Variants in THRB observed in about 807,000 individuals in gnomAD.
The protein encoded by THRB is nuclear receptor subfamily 1 group A member 2.
A neutral mutation model predicts 47.8 loss-of-function variants in THRB; 12 were observed. The observed-to-expected ratio is 0.25, with a 90% CI of 0.16 to 0.41. The LOEUF (loss-of-function observed/expected upper bound fraction) is 0.41, where lower values mean the gene tolerates loss of function less well. Among genes scored for constraint, THRB ranks in the 10% least tolerant of loss-of-function variants. The probability of loss-of-function intolerance (pLI) is 1.00; values close to 1 mark genes in which losing one functional copy is unlikely to be tolerated. For synonymous variants in THRB, 218 were observed against 212.2 expected (o/e 1.03, Z -0.24); for missense variants, 348 against 589.2 (o/e 0.59, Z 4.24).
intron 1 of THRB, chr3:24,458,960 A>T (rs1368299861): frequency 3.3e-5 from 5 of 150,968 alleles, no homozygotes; most frequent in African/African-American, 9.7e-5. Context: ...ATAAATATTT[A>T]TATATTTATT....
intron 1 of THRB, among the ~76,000 whole-genome samples, chr3:24,353,773 G>C (rs2063503128): frequency 6.6e-6 from 1 of 151,932 alleles, no homozygotes; most frequent in African/African-American, 2.4e-5. Flanking sequence ...TTAAAAAATA[G>C]GTTTGTTTTT....
chr3:24,453,591 A>G (rs1341218529), intron 1 of THRB, among the ~76,000 whole-genome samples: 1 of 152,164 alleles, frequency 6.6e-6, no homozygotes, highest in Non-Finnish European at 1.5e-5. Context: ...TTCACACATC[A>G]ATCTTCATGA....
chr3:24,248,170 C>G (rs1208946457), intron 3 of THRB, among the ~76,000 whole-genome samples: 2 of 151,976 alleles, frequency 1.3e-5, no homozygotes, highest in East Asian at 3.8e-4. Context: ...ACTTTGAGGT[C>G]AAATTCATAA....
chr3:24,216,272 C>T (rs2046549628), intron 4 of THRB, among the ~76,000 whole-genome samples: 1 of 152,146 alleles, frequency 6.6e-6, no homozygotes, highest in Admixed American at 6.5e-5. Context: ...TAGATGGTCT[C>T]TAAGATTCCT....
At position 24,464,852 on chromosome 3, in the gene THRB, T is replaced by C. The variant is rs142139820; in HGVS notation, c.-261+29800A>G. On this transcript the variant is annotated intron_variant, in intron 1 of 10. Coordinates refer to ENST00000646209, the MANE Select transcript of THRB (RefSeq NM_001354712.2). ...CTTTTTTTATCATTCTATAAAATAATAGAGACTGTGGAAGTTATTACTTAC... is the reference window on the plus strand; with the variant it reads ...CTTTTTTTATCATTCTATAAAATAACAGAGACTGTGGAAGTTATTACTTAC... Among the ~76,000 whole-genome samples, 169 of 152,358 alleles carry C rather than the reference T, an allele frequency of 1.1e-3. 5 individuals carry two copies. In the East Asian group the frequency reaches 0.03, roughly 27 times the overall value.
intron 2 of THRB, among the ~76,000 whole-genome samples, chr3:24,332,595 T>C (rs2061994002): frequency 6.6e-6 from 1 of 152,248 alleles, no homozygotes; most frequent in South Asian, 2.1e-4. Context: ...GTGAATTCTT[T>C]AGGCACTGCT....
chr3:24,417,485 T>A (rs143543773), intron 1 of THRB, among the ~76,000 whole-genome samples: 19 of 152,024 alleles, frequency 1.2e-4, no homozygotes, highest in African/African-American at 4.6e-4. Context: ...TATTTCTTTA[T>A]CAAGGACCTT....
At chr3:24,224,707 A>C (rs1056553268) in intron 4 of THRB, among the ~76,000 whole-genome samples, 2 of 152,240 alleles carry the variant, frequency 1.3e-5, no homozygotes, top group South Asian at 2.1e-4. Flanking sequence ...GCACTGCCTC[A>C]GTGTTCACTT....
Position 24,274,602 on chromosome 3 carries a change from TTC to T in THRB, c.-43+22622_-43+22623del, listed in dbSNP as rs535253085. 1.4e-3 allele frequency among the ~76,000 whole-genome samples: 211 copies of T among 152,302 alleles called. 2 individuals are homozygous for T. Among genetic ancestry groups the T allele is most frequent in the African/African-American group, 4.7e-3 (197 of 41,580 alleles). On this transcript the variant is annotated intron_variant, in intron 3 of 10. Coordinates refer to ENST00000646209, the MANE Select transcript of THRB (RefSeq NM_001354712.2). ...TTTCCCTTCTCTCTTTCTTGTCTAT[TTC>T]TTTTTTTAAATTATCATAATCAAAA...
At chr3:24,494,896 T>G (rs905795819), upstream of THRB, 8 of 152,096 alleles carry the variant, frequency 5.3e-5, no homozygotes, top group African/African-American at 1.9e-4. Flanking sequence ...CTCCGCCCCC[T>G]CCTCCCGGCG....
chr3:24,392,987 C>T (rs927698943), intron 1 of THRB, among the ~76,000 whole-genome samples: 1 of 151,990 alleles, frequency 6.6e-6, no homozygotes, highest in African/African-American at 2.4e-5. Context: ...AATTAATTTC[C>T]CTTTTTCATG....
intron 1 of THRB, among the ~76,000 whole-genome samples, chr3:24,482,050 AAACT>A (rs1440391696): frequency 6.6e-6 from 1 of 152,170 alleles, no homozygotes; most frequent in Non-Finnish European, 1.5e-5. Context: ...TAACAATTTA[AAACT>A]AACTAAAGAA....
At chr3:24,495,224 G>T (rs368056849), upstream of THRB, 239 of 152,838 alleles carry the variant, frequency 1.6e-3, 3 homozygotes, top group South Asian at 0.031. Flanking sequence ...TTGCGCGGCG[G>T]TGGCGGCGGC....
At chr3:24,179,444 A>G (rs190830083) in intron 5 of THRB, among the ~76,000 whole-genome samples, 67 of 152,360 alleles carry the variant, frequency 4.4e-4, no homozygotes, top group Admixed American at 1.5e-3. Context: ...CATACAGAGA[A>G]TGAGAAAAGA....
intron 2 of THRB, among the ~76,000 whole-genome samples, chr3:24,299,559 C>G (rs1028269044): frequency 6.6e-6 from 1 of 152,084 alleles, no homozygotes; most frequent in African/African-American, 2.4e-5. Context: ...AGAACTCTAT[C>G]TGATCTCTGT....
chr3:24,123,086 T>C lies in THRB; in HGVS notation c.1184A>G (p.Tyr395Cys), dbSNP rs962867247. 5 of 1,614,068 alleles carry C rather than the reference T, an allele frequency of 3.1e-6. No homozygotes were observed. In the African/African-American group the frequency reaches 5.3e-5, roughly 17 times the overall value. ...GLACVERIEK[Y>C]QDSFLLAFEH... ...AAAGGCCAGCAGGAAACTATCTTGGTACTTTTCTATTCTCTCAACACAGGC... is the reference window on the plus strand; with the variant it reads ...AAAGGCCAGCAGGAAACTATCTTGGCACTTTTCTATTCTCTCAACACAGGC... Residue 395 changes from tyrosine (Y) to cysteine (C), a missense_variant, in exon 11 of 11, where the codon TAC (tyrosine) becomes TGC (cysteine). Tyr to Cys is a radical substitution (Grantham distance 194). Coordinates refer to ENST00000646209, the MANE Select transcript of THRB (RefSeq NM_001354712.2).
intron 2 of THRB, among the ~76,000 whole-genome samples, chr3:24,299,923 G>T (rs2056813542): frequency 6.6e-6 from 1 of 151,724 alleles, no homozygotes; most frequent in African/African-American, 2.4e-5. Context: ...CAGGAAAGAG[G>T]AGCAGGACAG....
intron 3 of THRB, among the ~76,000 whole-genome samples, chr3:24,229,740 C>A (rs892033534): frequency 3.9e-5 from 6 of 152,172 alleles, no homozygotes; most frequent in Non-Finnish European, 5.9e-5. Flanking sequence ...GAACCTGGGT[C>A]ACAGTCCTTC....
rs1182904192 is a variant in THRB, at chr3:24,326,484, C to T, written c.-189+10816G>A. Among the ~76,000 whole-genome samples the T allele has an allele frequency of 5.3e-5, 8 of 152,268 alleles. No individual in the cohort carries two copies. The South Asian group carries it at 1.7e-3, about 32-fold the overall frequency. ...CTCCTGACCTCAGGTGATCCACCTGCCTCGGCCTCCCAAAGTGCTGGGATT... is the reference window on the plus strand; with the variant it reads ...CTCCTGACCTCAGGTGATCCACCTGTCTCGGCCTCCCAAAGTGCTGGGATT... On this transcript the variant is annotated intron_variant, in intron 2 of 10. Transcript: ENST00000646209.
Sources: gnomAD v4.1 joint callset for allele counts (sites outside exome capture counted in the v4.1 genomes callset) on GRCh38, gnomAD v4.1.1 for gene constraint, MANE v1.5 for transcripts, NCBI Gene and HGNC (gene_info 2026-07-23, HGNC 2026-07-21) for gene names.